The following STK32B variants were observed in gnomAD, a reference collection of about 807,000 sequenced individuals.
STK32B encodes the protein serine/threonine kinase 32B.
In STK32B, 43 loss-of-function variants were observed where a neutral mutation model predicts 52.6. The observed-to-expected ratio is 0.82, with a 90% CI of 0.64 to 1.05. The LOEUF (loss-of-function observed/expected upper bound fraction) is 1.05. Ranked by LOEUF, STK32B falls within the 50% of genes least tolerant of loss-of-function variation. The pLI is 0.00. For synonymous variants in STK32B, 238 were observed against 204.3 expected, an observed-to-expected ratio of 1.17 and a Z score of -1.41; for missense variants, 621 against 534.6, an observed-to-expected ratio of 1.16 and a Z score of -1.59.
At chr4:5,172,704 G>A (rs9762370) in intron 3 of STK32B, among the ~76,000 whole-genome samples, 93,028 of 151,778 alleles carry the variant, frequency 0.61, 30,134 homozygotes, top group East Asian at 0.84. Context: ...TGCTGGATTC[G>A]GTTTGCCAGT....
intron 3 of STK32B, among the ~76,000 whole-genome samples, chr4:5,214,512 T>C (rs1723077604): frequency 6.6e-6 from 1 of 152,308 alleles, no homozygotes; most frequent in East Asian, 1.9e-4. Flanking sequence ...ACATTCATGG[T>C]CCCCAGGCAC....
intron 11 of STK32B, among the ~76,000 whole-genome samples, chr4:5,491,254 A>G (rs1306115023): frequency 6.6e-6 from 1 of 152,182 alleles, no homozygotes; most frequent in African/African-American, 2.4e-5. Flanking sequence ...TGACTTTTTA[A>G]TGATTGCCAT....
chr4:5,053,732 C>G (rs988851101), intron 1 of STK32B, among the ~76,000 whole-genome samples: 1 of 152,180 alleles, frequency 6.6e-6, no homozygotes, highest in East Asian at 1.9e-4. Context: ...CCTGTAATCC[C>G]AGTACTTTGG....
At chr4:5,143,175 T>A (rs1275228736) in intron 2 of STK32B, among the ~76,000 whole-genome samples, 1 of 151,948 alleles carries the variant, frequency 6.6e-6, no homozygotes. Flanking sequence ...TTCTGTATTC[T>A]GGAAAACCCT....
intron 3 of STK32B, among the ~76,000 whole-genome samples, chr4:5,199,784 C>G (rs868403451): frequency 7.2e-5 from 11 of 152,000 alleles, no homozygotes; most frequent in South Asian, 4.2e-4. Context: ...TGGTGAACCC[C>G]CACTTACGCC....
At chr4:5,074,608 A>C (rs1711971977) in intron 1 of STK32B, among the ~76,000 whole-genome samples, 1 of 152,110 alleles carries the variant, frequency 6.6e-6, no homozygotes, top group Admixed American at 6.6e-5. Flanking sequence ...AGAAGCTAGC[A>C]TGTGTAAAGC....
intron 3 of STK32B, among the ~76,000 whole-genome samples, chr4:5,219,647 G>A (rs1723399517): frequency 2.0e-5 from 3 of 152,190 alleles, no homozygotes; most frequent in Non-Finnish European, 2.9e-5. Flanking sequence ...CAGGCCCTAT[G>A]ACCTTGACCC....
rs572541697 is a variant in STK32B, at chr4:5,499,909, A to G, written c.*826A>G. On this transcript the variant is annotated 3_prime_UTR_variant, in exon 12 of 12. Coordinates refer to ENST00000282908, the MANE Select transcript of STK32B (RefSeq NM_018401.3). ...GCCCGAAAGCCCAGACCTGCAGCAG[A>G]ACTCTCCAACTCTCTATCAGCTTTC... 1 of 152,420 alleles carries G rather than the reference A, an allele frequency of 6.6e-6. No individual in the cohort carries two copies. Among genetic ancestry groups the G allele is most frequent in the South Asian group, 2.1e-4 (1 of 4,834 alleles). 9.4% of individuals were successfully genotyped at this position (152,420 alleles called of 1,614,324 possible).
At chr4:5,206,516 A>G (rs941061263) in intron 3 of STK32B, among the ~76,000 whole-genome samples, 1 of 152,126 alleles carries the variant, frequency 6.6e-6, no homozygotes, top group Non-Finnish European at 1.5e-5. Context: ...ACTTCTTCCA[A>G]CAACAGTCAT....
intron 3 of STK32B, among the ~76,000 whole-genome samples, chr4:5,280,588 C>G (rs571415215): frequency 6.6e-6 from 1 of 152,254 alleles, no homozygotes; most frequent in African/African-American, 2.4e-5. Flanking sequence ...TTAGTCTATT[C>G]TCGCACTGCT....
At chr4:5,401,066 T>C (rs1737261126) in intron 5 of STK32B, among the ~76,000 whole-genome samples, 1 of 152,044 alleles carries the variant, frequency 6.6e-6, no homozygotes, top group Admixed American at 6.5e-5. Flanking sequence ...GTAGAGACAG[T>C]GGGGCAGAAC....
chr4:5,172,991 G>C (rs1215599479), intron 3 of STK32B, among the ~76,000 whole-genome samples: 2 of 152,208 alleles, frequency 1.3e-5, no homozygotes, highest in South Asian at 2.1e-4. Context: ...TTCAGATCCT[G>C]TTATTGGTCT....
intron 4 of STK32B, among the ~76,000 whole-genome samples, chr4:5,373,458 G>GA (rs1441289637): frequency 7.2e-5 from 11 of 152,182 alleles, no homozygotes; most frequent in Admixed American, 6.5e-4. Context: ...TAGTCAGGCA[G>GA]AAAAAACTCC....
intron 4 of STK32B, among the ~76,000 whole-genome samples, chr4:5,388,223 G>A (rs1266189595): frequency 6.6e-6 from 1 of 152,156 alleles, no homozygotes; most frequent in African/African-American, 2.4e-5. Context: ...GTGACAAATG[G>A]TCATCATCAT....
At chr4:5,267,725 G>A (rs193007000) in intron 3 of STK32B, among the ~76,000 whole-genome samples, 251 of 152,288 alleles carry the variant, frequency 1.6e-3, no homozygotes, top group African/African-American at 5.8e-3. Context: ...CAAATTACCC[G>A]AGAGTGCGGG....
At chr4:5,228,970 A>C (rs2108803693) in intron 3 of STK32B, among the ~76,000 whole-genome samples, 1 of 152,228 alleles carries the variant, frequency 6.6e-6, no homozygotes, top group South Asian at 2.1e-4. Flanking sequence ...TCCGTCTCAA[A>C]AGAAAAAAAA....
chr4:5,382,465 T>C (rs1477686211), intron 4 of STK32B, among the ~76,000 whole-genome samples: 1 of 151,988 alleles, frequency 6.6e-6, no homozygotes, highest in African/African-American at 2.4e-5. Flanking sequence ...CAAGGGCAAT[T>C]GGCTCCTTCC....
intron 1 of STK32B, among the ~76,000 whole-genome samples, chr4:5,131,800 A>G (rs1037285730): frequency 1.3e-5 from 2 of 152,250 alleles, no homozygotes; most frequent in African/African-American, 2.4e-5. Context: ...CCTGTCTAAA[A>G]TTGCAGCTCC....
chr4:5,164,983 G>T (rs1388932814), intron 2 of STK32B, among the ~76,000 whole-genome samples: 1 of 152,228 alleles, frequency 6.6e-6, no homozygotes, highest in African/African-American at 2.4e-5. Context: ...GAGCGGCTGA[G>T]GTTTGTGCAC....
Sources: gnomAD v4.1 joint callset for allele counts (sites outside exome capture counted in the v4.1 genomes callset) on GRCh38, gnomAD v4.1.1 for gene constraint, MANE v1.5 for transcripts, NCBI Gene and HGNC (gene_info 2026-07-23, HGNC 2026-07-21) for gene names.